NUP98: variants seen among roughly 807,000 people sequenced by gnomAD.
The protein encoded by NUP98 is nuclear pore complex protein Nup98-Nup96.
In NUP98, 26 loss-of-function variants were observed where a neutral mutation model predicts 191.9. That is an observed-to-expected ratio of 0.14 (90% confidence interval 0.10 to 0.19). The LOEUF (loss-of-function observed/expected upper bound fraction) is 0.19, where lower values mean the gene tolerates loss of function less well. Among genes scored for constraint, NUP98 ranks in the 10% least tolerant of loss-of-function variants. The pLI is 1.00. For missense variants in NUP98, 1,941 were observed against 2,178.8 expected (o/e 0.89, Z 2.17); for synonymous variants, 808 against 778.4 (o/e 1.04, Z -0.63).
At chr11:3,747,201 T>C (rs1218700296) in intron 11 of NUP98, among the ~76,000 whole-genome samples, 1 of 152,108 alleles carries the variant, frequency 6.6e-6, no homozygotes, top group Admixed American at 6.5e-5. Flanking sequence ...AGAAGCTATA[T>C]GGGGGGCAAA....
chr11:3,745,659 T>C (rs1018450040), intron 11 of NUP98, among the ~76,000 whole-genome samples: 2 of 152,098 alleles, frequency 1.3e-5, no homozygotes, highest in Non-Finnish European at 2.9e-5. Context: ...CAGGATCTCA[T>C]TATGTTACCC....
intron 1 of NUP98, among the ~76,000 whole-genome samples, chr11:3,793,392 C>A (rs541398083): frequency 6.6e-6 from 1 of 151,908 alleles, no homozygotes; most frequent in South Asian, 2.1e-4. Flanking sequence ...TGGGTTCAAG[C>A]GATTCTCTGC....
At chr11:3,697,342 G>A (rs1299690640) in intron 25 of NUP98, 1 of 152,206 alleles carries the variant, frequency 6.6e-6, no homozygotes, top group Non-Finnish European at 1.5e-5. Flanking sequence ...TACTGATTCT[G>A]GCTTTTCCTG....
chr11:3,752,301 G>C (rs1469544735), intron 11 of NUP98, among the ~76,000 whole-genome samples: 1 of 151,734 alleles, frequency 6.6e-6, no homozygotes, highest in Admixed American at 6.6e-5. Context: ...AGGATCACCT[G>C]AGGTCAGGAG....
At position 3,692,684 on chromosome 11, in the gene NUP98, T is replaced by C. The variant is rs57624731; in HGVS notation, c.4311+548A>G. 7.2e-3 allele frequency among the ~76,000 whole-genome samples: 1,104 copies of C among 152,316 alleles called. 9 individuals carry two copies. The highest frequency in any genetic ancestry group is 0.026 in the African/African-American group (1,063 of 41,560). On this transcript the variant is annotated intron_variant, in intron 27 of 32. Transcript: ENST00000324932. ...AATGATGTATTTCATCTGTCTTCAATGGACTGGTAAAGATTTCAGGTAGCT... is the reference window on the plus strand; with the variant it reads ...AATGATGTATTTCATCTGTCTTCAACGGACTGGTAAAGATTTCAGGTAGCT...
intron 14 of NUP98, 102 bp downstream of exon 14, chr11:3,731,289 A>G: frequency 1.3e-6 from 1 of 781,518 alleles, no homozygotes; most frequent in Non-Finnish European, 1.8e-6. Flanking sequence ...AACAAAGTGG[A>G]CTGTATCACA....
At position 3,683,414 on chromosome 11, in the gene NUP98, C is replaced by G; in HGVS notation, c.4704G>C (p.Leu1568=). 1 of 1,614,154 alleles carries G rather than the reference C, an allele frequency of 6.2e-7. No individual in the cohort carries two copies. Among genetic ancestry groups the G allele is most frequent in the Admixed American group, 1.7e-5 (1 of 60,002 alleles). The part of the protein sequence containing the change: ...SGIREKAVRE[L]LTRHCQLLET... ...CCAACAGCTGGCAGTGCCGGGTAAG[C>G]AGCTCTCGAACAGCCTTCTCACGTA... Residue 1568 remains leucine (L), a synonymous_variant, in exon 30 of 33, where the codon CTG becomes CTC. Coordinates refer to ENST00000324932, the MANE Select transcript of NUP98 (RefSeq NM_016320.5).
chr11:3,770,323 T>C (rs2081484793), intron 7 of NUP98, among the ~76,000 whole-genome samples: 2 of 151,900 alleles, frequency 1.3e-5, no homozygotes, highest in South Asian at 2.1e-4. Flanking sequence ...AGACTCCGTC[T>C]CAAAAAAATA....
chr11:3,758,040 A>T (rs2081038277), intron 10 of NUP98, among the ~76,000 whole-genome samples: 1 of 148,688 alleles, frequency 6.7e-6, no homozygotes, highest in Non-Finnish European at 1.5e-5. Context: ...AAAACAGGCC[A>T]GGCGTGGTGG....
chr11:3,760,442 T>C (rs766619662), intron 10 of NUP98, 97 bp downstream of exon 10: 17 of 1,537,608 alleles, frequency 1.1e-5, no homozygotes, highest in East Asian at 2.2e-5. Context: ...ACGTGTGGTA[T>C]AGTCAGTGTA....
At chr11:3,736,631 CA>C (rs1442733754) in intron 12 of NUP98, among the ~76,000 whole-genome samples, 1 of 151,996 alleles carries the variant, frequency 6.6e-6, no homozygotes, top group Non-Finnish European at 1.5e-5. Flanking sequence ...CTGCCTCAAA[CA>C]AACAAACAAA....
At chr11:3,772,266 T>C (rs370444376) in intron 6 of NUP98, among the ~76,000 whole-genome samples, 51 of 152,148 alleles carry the variant, frequency 3.4e-4, no homozygotes, top group African/African-American at 1.2e-3. Context: ...ATAAAAATTA[T>C]AGTGAATTAA....
chr11:3,683,515 G>C, intron 29 of NUP98, 74 bp from the exon 30 acceptor site: 1 of 1,517,014 alleles, frequency 6.6e-7, no homozygotes, highest in Non-Finnish European at 8.9e-7. Context: ...GCTTAGAGTG[G>C]CCCTTGGGGC....
At chr11:3,678,110 C>T (rs1473033037) in intron 31 of NUP98, among the ~76,000 whole-genome samples, 1 of 149,300 alleles carries the variant, frequency 6.7e-6, no homozygotes. Context: ...TGCCCTCCAG[C>T]CTGGGTGACA....
At chr11:3,754,352 G>A (rs966443453) in intron 10 of NUP98, among the ~76,000 whole-genome samples, 2 of 152,162 alleles carry the variant, frequency 1.3e-5, no homozygotes, top group African/African-American at 4.8e-5. Flanking sequence ...CTTGAACCCG[G>A]GAGACGGGGG....
At chr11:3,702,241 A>AAC (rs1180575472) in intron 23 of NUP98, among the ~76,000 whole-genome samples, 17 of 144,094 alleles carry the variant, frequency 1.2e-4, no homozygotes, top group East Asian at 1.0e-3. Flanking sequence ...GAGACTCAAA[A>AAC]ACACACACAC....
At position 3,702,654 on chromosome 11, in the gene NUP98, G is replaced by A. The variant is rs1204062815; in HGVS notation, c.3321C>T (p.Val1107=). Reference sequence around the variant, plus strand: ...TCAAGAGTTTTCCCTTGCCATAGGTGACAGACTTTTCACGAGGGACTAGGC... The same window carrying A: ...TCAAGAGTTTTCCCTTGCCATAGGTAACAGACTTTTCACGAGGGACTAGGC... ...QLGLVPREKS[V]TYGKGKLLMD... is the part of the protein sequence containing the mutation. Residue 1107 remains valine (V), a synonymous_variant, in exon 23 of 33, where the codon GTC becomes GTT. Coordinates refer to ENST00000324932, the MANE Select transcript of NUP98 (RefSeq NM_016320.5). The A allele has an allele frequency of 1.2e-6, 2 of 1,614,126 alleles. No individual in the cohort carries two copies. The highest frequency in any genetic ancestry group is 1.7e-6 in the Non-Finnish European group (2 of 1,180,030).
At chr11:3,742,629 G>A (rs1251377985) in intron 12 of NUP98, among the ~76,000 whole-genome samples, 1 of 150,404 alleles carries the variant, frequency 6.6e-6, no homozygotes, top group Non-Finnish European at 1.5e-5. Flanking sequence ...AACCTGGGAG[G>A]CAGAGGTTGC....
At chr11:3,788,979 A>G (rs1049910044) in intron 1 of NUP98, among the ~76,000 whole-genome samples, 11 of 152,286 alleles carry the variant, frequency 7.2e-5, no homozygotes, top group Non-Finnish European at 1.3e-4. Flanking sequence ...CCTGTCAGTT[A>G]CCATCATTGA....
Sources: allele counts gnomAD v4.1 joint callset (sites outside exome capture counted in the v4.1 genomes callset), GRCh38; gene constraint gnomAD v4.1.1; transcripts MANE v1.5; gene names NCBI Gene and HGNC (gene_info 2026-07-23, HGNC 2026-07-21).